The following FBXL2 variants were observed in gnomAD, a reference collection of about 807,000 sequenced individuals.
The protein encoded by FBXL2 is F-box/LRR-repeat protein 2.
In FBXL2, 38 loss-of-function variants were observed where a neutral mutation model predicts 69.2. The ratio of observed to expected loss-of-function variants is 0.55; its 90% CI spans 0.42 to 0.72. The LOEUF (loss-of-function observed/expected upper bound fraction) is 0.72. Ranked by LOEUF, FBXL2 falls within the 30% of genes least tolerant of loss-of-function variation. The probability of loss-of-function intolerance (pLI) is 0.00; values close to 1 mark genes in which losing one functional copy is unlikely to be tolerated. For missense variants in FBXL2, 354 were observed against 520.3 expected (o/e 0.68, Z 3.11); for synonymous variants, 192 against 201.3 (o/e 0.95, Z 0.39).
At chr3:33,282,825 C>T (rs1016060069) in intron 1 of FBXL2, among the ~76,000 whole-genome samples, 2 of 152,118 alleles carry the variant, frequency 1.3e-5, no homozygotes, top group Non-Finnish European at 2.9e-5. Flanking sequence ...AATGGGAGTT[C>T]ACTCATGATT....
At chr3:33,377,915 C>A (rs1267412580) in intron 11 of FBXL2, among the ~76,000 whole-genome samples, 188 bp from the exon 12 acceptor site, 1 of 152,198 alleles carries the variant, frequency 6.6e-6, no homozygotes, top group African/African-American at 2.4e-5. Context: ...TTCCCAGTTC[C>A]AAAGCACTGT....
chr3:33,305,283 T>C (rs916230513), intron 2 of FBXL2, among the ~76,000 whole-genome samples: 1 of 152,018 alleles, frequency 6.6e-6, no homozygotes, highest in African/African-American at 2.4e-5. Flanking sequence ...ATCACTGTGG[T>C]ACATATGTTT....
intron 2 of FBXL2, chr3:33,303,019 C>T (rs1233988735): frequency 2.2e-6 from 1 of 456,370 alleles, no homozygotes; most frequent in Non-Finnish European, 4.4e-6. Flanking sequence ...GTAAAGGGCT[C>T]ATTCCTGCTA....
the FBXL2 span, among the ~76,000 whole-genome samples, chr3:33,418,610 G>A: frequency 6.6e-6 from 1 of 151,884 alleles, no homozygotes; most frequent in East Asian, 2.0e-4. Flanking sequence ...TGTAATCCCA[G>A]CACTTTGGGA....
chr3:33,289,684 T>G, intron 1 of FBXL2: 1 of 865,366 alleles, frequency 1.2e-6, no homozygotes, highest in Non-Finnish European at 1.4e-6. Context: ...CCAGCTACAG[T>G]GCAGGACTAC....
intron 13 of FBXL2, among the ~76,000 whole-genome samples, chr3:33,379,707 AC>A (rs1318353819): frequency 2.0e-5 from 3 of 152,118 alleles, no homozygotes; most frequent in South Asian, 2.1e-4. Flanking sequence ...ACAAAAAAAA[AC>A]ACTACAGACC....
rs1284916410 is a variant in FBXL2 at position 33,377,291 on chromosome 3, A to C, written c.807A>C (p.Arg269=). 5 of 1,614,142 alleles carry C rather than the reference A, an allele frequency of 3.1e-6. No individual in the cohort carries two copies. The South Asian group carries it at 5.5e-5, about 18-fold the overall frequency. The change falls in exon 11 of 15, where the codon CGA becomes CGC. Residue 269 remains arginine (R), a synonymous_variant. Transcript: ENST00000484457. Reference sequence around the variant, plus strand: ...TCCTCAGAATTTTGGAGGCTGCCCGATGCTCCCATTTGACTGACGCAGGTT... The same window carrying C: ...TCCTCAGAATTTTGGAGGCTGCCCGCTGCTCCCATTTGACTGACGCAGGTT... ...CPRLQILEAA[R]CSHLTDAGFT...
chr3:33,309,389 G>T (rs1286802138), intron 2 of FBXL2, among the ~76,000 whole-genome samples: 2 of 151,868 alleles, frequency 1.3e-5, no homozygotes, highest in African/African-American at 4.8e-5. Context: ...TACAGTTTTT[G>T]ACTTAAAGTC....
intron 2 of FBXL2, chr3:33,317,696 A>T: frequency 3.1e-6 from 1 of 323,174 alleles, no homozygotes; most frequent in Non-Finnish European, 6.1e-6. Context: ...GTGACTTTTA[A>T]CTCCAGCCTC....
chr3:33,302,048 T>C (rs2036341115), intron 2 of FBXL2, among the ~76,000 whole-genome samples: 2 of 152,192 alleles, frequency 1.3e-5, no homozygotes, highest in African/African-American at 2.4e-5. Context: ...TTCGCTCTTA[T>C]TGTATATTAA....
rs200945610 is a variant in FBXL2, at chr3:33,364,648, G to A, written c.219G>A (p.Ser73=). Residue 73 remains serine, a synonymous_variant, in exon 5 of 15, where the codon TCG becomes TCA. Coordinates refer to ENST00000484457, the MANE Select transcript of FBXL2 (RefSeq NM_012157.5). ...DVEGRVVENI[S]KRCGGFLRKL... ...AGGGTCGAGTGGTGGAAAATATCTC[G>A]AAGCGATGCGGTGGATTCCTGAGGA... 5.3e-5 allele frequency: 86 copies of A among 1,614,122 alleles called. No individual in the cohort carries two copies. The highest frequency in any genetic ancestry group is 4.9e-4 in the Middle Eastern group (3 of 6,062).
At chr3:33,317,054 A>G (rs1000069396) in intron 2 of FBXL2, among the ~76,000 whole-genome samples, 3 of 152,152 alleles carry the variant, frequency 2.0e-5, no homozygotes, top group Admixed American at 6.5e-5. Flanking sequence ...GGTGCATGCT[A>G]TCACGCCTGG....
At chr3:33,381,425 A>T (rs1390208120) in intron 13 of FBXL2, among the ~76,000 whole-genome samples, 1 of 152,146 alleles carries the variant, frequency 6.6e-6, no homozygotes, top group Non-Finnish European at 1.5e-5. Context: ...CGGGTGGATC[A>T]CCTGAGGTCG....
chr3:33,373,696 T>C lies in FBXL2; in HGVS notation c.574T>C (p.Cys192Arg). 6.2e-7 allele frequency: 1 copy of C among 1,614,196 alleles called. No homozygotes were observed. Among genetic ancestry groups the C allele is most frequent in the Non-Finnish European group, 8.5e-7 (1 of 1,180,040 alleles). ...RGLKALLLRG[C>R]TQLEDEALKH... The stretch of plus-strand genomic sequence containing the variant: ...CCTGAAAGCCCTGCTCCTGAGGGGC[T>C]GCACACAGGTACCAGAGGGTTGATA... Residue 192 changes from cysteine to arginine, a missense_variant, in exon 8 of 15, where the codon TGC becomes CGC. Cys to Arg is a radical substitution (Grantham distance 180). Transcript: ENST00000484457.
chr3:33,402,954 G>A lies in FBXL2; in HGVS notation n.1215-280G>A, dbSNP rs1465998959. ...TAGTGATATGCTTTTAAAATATGTG[G>A]AAGAAATATTTTTGTAATTCACTCA... On this transcript the variant is annotated intron_variant and non_coding_transcript_variant, in intron 12 of 12. Coordinates refer to the FBXL2 transcript ENST00000463736. 5.5e-6 allele frequency: 8 copies of A among 1,466,366 alleles called. No homozygotes were observed. The South Asian group carries it at 8.5e-5, about 16-fold the overall frequency. The allele number at this position is 1,466,366 out of a possible 1,614,324, so 90.8% of individuals were successfully genotyped here.
intron 2 of FBXL2, among the ~76,000 whole-genome samples, chr3:33,347,505 T>C (rs546429925): frequency 6.6e-6 from 1 of 152,338 alleles, no homozygotes; most frequent in East Asian, 1.9e-4. Context: ...CTCTTCGATA[T>C]ACTGATTTAC....
rs781588053 is a variant in FBXL2 at position 33,373,325 on chromosome 3, C to G, written c.425C>G (p.Ser142Cys). 2 of 1,613,446 alleles carry G rather than the reference C, an allele frequency of 1.2e-6. No homozygotes were observed. The highest frequency in any genetic ancestry group is 1.7e-6 in the Non-Finnish European group (2 of 1,179,394). Residue 142 changes from serine to cysteine, a missense_variant, in exon 7 of 15, where the codon TCT (serine) becomes TGT (cysteine). By Grantham distance (112) the Ser-to-Cys change is moderately radical (BLOSUM62 -1). Transcript: ENST00000484457. Reference protein sequence around the residue: ...LKHLDLTSCVSITNSSLKGIS... With the variant: ...LKHLDLTSCVCITNSSLKGIS... The stretch of plus-strand genomic sequence containing the variant: ...CATCTGGATCTGACCTCCTGTGTGT[C>G]TATTACAAACAGCTCCTTGAAGGGG...
At chr3:33,360,400 T>G (rs1461619569) in intron 4 of FBXL2, among the ~76,000 whole-genome samples, 1 of 152,206 alleles carries the variant, frequency 6.6e-6, no homozygotes, top group East Asian at 1.9e-4. Flanking sequence ...GTTCTCATCT[T>G]AAACCAGTGG....
intron 2 of FBXL2, among the ~76,000 whole-genome samples, chr3:33,320,439 T>G (rs2038093716): frequency 1.3e-5 from 2 of 151,820 alleles, no homozygotes; most frequent in Non-Finnish European, 2.9e-5. Context: ...TTTAAAACAT[T>G]TAGAAAAAGT....
Sources: gnomAD v4.1 joint callset for allele counts (sites outside exome capture counted in the v4.1 genomes callset) on GRCh38, gnomAD v4.1.1 for gene constraint, MANE v1.5 for transcripts, NCBI Gene and HGNC (gene_info 2026-07-23, HGNC 2026-07-21) for gene names.